Variants in RRN3 observed in about 807,000 individuals in gnomAD.
The protein encoded by RRN3 is RNA polymerase I transcription factor RRN3.
RRN3 carries 38 observed loss-of-function variants against 82.3 expected under a neutral mutation model. The ratio of observed to expected loss-of-function variants is 0.46; its 90% CI spans 0.36 to 0.61. The LOEUF (loss-of-function observed/expected upper bound fraction) is 0.61. RRN3 is among the 20% of genes least tolerant of loss of function. RRN3 has a pLI of 0.00. For synonymous variants in RRN3, 284 were observed against 284.3 expected, an observed-to-expected ratio of 1.00 and a Z score of 0.01; for missense variants, 726 against 793.1, an observed-to-expected ratio of 0.92 and a Z score of 1.02.
At position 15,061,823 on chromosome 16, in the gene RRN3, G is replaced by C; in HGVS notation, c.1877C>G (p.Ser626Cys). 1 of 1,614,184 alleles carries C rather than the reference G, an allele frequency of 6.2e-7. No individual in the cohort carries two copies. Among genetic ancestry groups the C allele is most frequent in the African/African-American group, 1.3e-5 (1 of 75,060 alleles). Residue 626 changes from serine to cysteine, a missense_variant, in exon 18 of 18, where the codon TCC (serine) becomes TGC (cysteine). Around this residue, in one of 4 missense-constraint regions of RRN3, gnomAD observed 166 missense variants for 154.8 expected, o/e 1.07. Transcript: ENST00000198767. The stretch of plus-strand genomic sequence containing the variant: ...AGGACTTCGGAAATGCGTGTCAAAG[G>C]AGCTTGGTGTGATCCCAATCACGGT... ...NDTVIGITPS[S>C]FDTHFRSPSS...
chr16:15,072,455 A>T (rs1452847982), intron 12 of RRN3, among the ~76,000 whole-genome samples: 1 of 152,122 alleles, frequency 6.6e-6, no homozygotes, highest in African/African-American at 2.4e-5. Context: ...ACATTTTCGG[A>T]GCACCTAGCT....
intron 12 of RRN3, among the ~76,000 whole-genome samples, chr16:15,072,015 C>T (rs897670596): frequency 1.4e-4 from 21 of 152,226 alleles, no homozygotes; most frequent in African/African-American, 4.6e-4. Flanking sequence ...CGGACTAACG[C>T]ACAGCTGGTA....
Position 15,068,192 on chromosome 16 carries a change from A to C in RRN3, c.1530T>G (p.Val510=). 4.4e-6 allele frequency: 7 copies of C among 1,593,738 alleles called. No homozygotes were observed. Among genetic ancestry groups the C allele is most frequent in the Non-Finnish European group, 6.0e-6 (7 of 1,169,868 alleles). ...ACTTTGTGATTGCAGCAAAAAAGTT[A>C]ACCACTGAGGGCAGGCAAATCTTCA... is the stretch of plus-strand genomic sequence containing the variant. ...NPLKICLPSV[V]NFFAAITNKY... is the part of the protein sequence containing the mutation. Residue 510 remains valine, a synonymous_variant, in exon 15 of 18, where the codon GTT becomes GTG. Transcript: ENST00000198767.
intron 3 of RRN3, 39 bp downstream of exon 3, chr16:15,091,276 G>C (rs374371295): frequency 6.2e-7 from 1 of 1,603,864 alleles, no homozygotes; most frequent in African/African-American, 1.3e-5. Flanking sequence ...GTATACAGTG[G>C]CAATAATTTT....
chr16:15,080,184 A>G (rs2045640252), intron 8 of RRN3, 88 bp from the exon 9 acceptor site: 3 of 1,458,296 alleles, frequency 2.1e-6, no homozygotes, highest in Admixed American at 3.1e-5. Context: ...CATGACCTTT[A>G]GTTTCAAATA....
At chr16:15,073,196 T>A in intron 11 of RRN3, 116 bp from the exon 12 acceptor site, 3 of 1,206,554 alleles carry the variant, frequency 2.5e-6, no homozygotes, top group Non-Finnish European at 3.5e-6. Context: ...CCAAGCACAG[T>A]GGCTCCTGCC....
At chr16:15,081,397 C>T (rs190600591) in intron 8 of RRN3, among the ~76,000 whole-genome samples, 7 of 152,286 alleles carry the variant, frequency 4.6e-5, no homozygotes, top group African/African-American at 1.2e-4. Flanking sequence ...ACTGTCTTCT[C>T]GTTCTGATTA....
At chr16:15,076,976 A>ATC (rs1402841741) in intron 9 of RRN3, among the ~76,000 whole-genome samples, 2 of 111,594 alleles carry the variant, frequency 1.8e-5, no homozygotes, top group African/African-American at 2.9e-5. Context: ...CCCCACCCAA[A>ATC]TCACTTTTTT....
At position 15,064,965 on chromosome 16, in the gene RRN3, G is replaced by C. The variant is rs530665593; in HGVS notation, c.1706+254C>G. Among the ~76,000 whole-genome samples, 7 of 152,266 alleles carry C rather than the reference G, an allele frequency of 4.6e-5. No individual in the cohort carries two copies. In the East Asian group the frequency reaches 1.4e-3, roughly 29 times the overall value. On this transcript the variant is annotated intron_variant, in intron 16 of 17. Transcript: ENST00000198767. ...GCGGATCACGAGGTCAGGAGATCGA[G>C]AACATCCCGGCTAACACAGTCAAAC... is the stretch of plus-strand genomic sequence containing the variant.
Position 15,083,443 on chromosome 16 carries a change from C to T in RRN3, c.666+70G>A, listed in dbSNP as rs566858160. On this transcript the variant is annotated intron_variant, in intron 8 of 17. Transcript: ENST00000198767. ...AAAGACTGGAAAAGAAAGAAAAAGACCTAATATCATCTAAAATGAAATCGT... is the reference window on the plus strand; with the variant it reads ...AAAGACTGGAAAAGAAAGAAAAAGATCTAATATCATCTAAAATGAAATCGT... 10 of 1,594,862 alleles carry T rather than the reference C, an allele frequency of 6.3e-6. No individual in the cohort carries two copies. In the African/African-American group the frequency reaches 1.4e-4, roughly 22 times the overall value.
At chr16:15,070,338 C>A (rs1363680022) in intron 13 of RRN3, 84 bp from the exon 14 acceptor site, 1 of 1,324,568 alleles carries the variant, frequency 7.5e-7, no homozygotes, top group Non-Finnish European at 1.0e-6. Context: ...CCTTTCATTA[C>A]AAACCATGCT....
At chr16:15,089,416 G>C (rs1239058666) in intron 3 of RRN3, among the ~76,000 whole-genome samples, 1 of 152,142 alleles carries the variant, frequency 6.6e-6, no homozygotes, top group Non-Finnish European at 1.5e-5. Context: ...AGATCACACA[G>C]AAGAATCAAC....
Position 15,068,207 on chromosome 16 carries a change from G to C in RRN3, c.1515C>G (p.Cys505Trp). Reference protein sequence around the residue: ...VMSQLNPLKICLPSVVNFFAA... With the variant: ...VMSQLNPLKIWLPSVVNFFAA... Reference sequence around the variant, plus strand: ...CAAAAAAGTTAACCACTGAGGGCAGGCAAATCTTCAGGGGATTTAGCTGGC... The same window carrying C: ...CAAAAAAGTTAACCACTGAGGGCAGCCAAATCTTCAGGGGATTTAGCTGGC... The change falls in exon 15 of 18, where the codon TGC (cysteine) becomes TGG (tryptophan). Residue 505 changes from cysteine (C) to tryptophan (W), a missense_variant. Cys to Trp is a radical substitution (Grantham distance 215). Coordinates refer to ENST00000198767, the MANE Select transcript of RRN3 (RefSeq NM_018427.5). The C allele has an allele frequency of 6.3e-7, 1 of 1,596,620 alleles. No individual in the cohort carries two copies. Among genetic ancestry groups the C allele is most frequent in the Non-Finnish European group, 8.5e-7 (1 of 1,171,736 alleles).
rs752641001 is a variant in RRN3 at position 15,060,106 on chromosome 16, T to C, written c.*1638A>G. On this transcript the variant is annotated 3_prime_UTR_variant, in exon 18 of 18. Coordinates refer to ENST00000198767, the MANE Select transcript of RRN3 (RefSeq NM_018427.5). ...CCATGTCATTGTTTCATTTTCACCA[T>C]GGATTTTTTTTCACAAACTCCTTTG... 8 of 342,878 alleles carry C rather than the reference T, an allele frequency of 2.3e-5. No homozygotes were observed. Among genetic ancestry groups the C allele is most frequent in the South Asian group, 4.8e-5 (2 of 41,448 alleles). 21.2% of individuals were successfully genotyped at this position (342,878 alleles called of 1,614,324 possible).
intron 7 of RRN3, among the ~76,000 whole-genome samples, chr16:15,083,962 C>T (rs1241095367): frequency 6.6e-6 from 1 of 152,222 alleles, no homozygotes; most frequent in Non-Finnish European, 1.5e-5. Flanking sequence ...GTGATCCGCC[C>T]GCCTCGGCCT....
At chr16:15,065,476 T>A (rs1356934850) in intron 15 of RRN3, 105 bp from the exon 16 acceptor site, 2 of 881,640 alleles carry the variant, frequency 2.3e-6, no homozygotes, top group African/African-American at 3.3e-5. Flanking sequence ...GAGAAATTGC[T>A]GAATATAACA....
intron 7 of RRN3, chr16:15,083,790 C>T (rs1597974141): frequency 2.1e-6 from 1 of 485,682 alleles, no homozygotes; most frequent in East Asian, 4.6e-5. Context: ...AATCTCAGCT[C>T]ACTGCAACCT....
rs2044713267 is a variant in RRN3 at position 15,061,624 on chromosome 16, C to T, written c.*120G>A. On this transcript the variant is annotated 3_prime_UTR_variant, in exon 18 of 18. Transcript: ENST00000198767. ...CAGTCGAACCTGGAAGTGCCACAGC[C>T]GAGGCAGGCACTCGCTCTAGTTCAA... 13 of 891,308 alleles carry T rather than the reference C, an allele frequency of 1.5e-5. No homozygotes were observed. The highest frequency in any genetic ancestry group is 1.0e-4 in the East Asian group (4 of 39,088). The allele number at this position is 891,308 out of a possible 1,614,324, so 55.2% of individuals were successfully genotyped here.
chr16:15,081,582 T>C (rs1597963175), intron 8 of RRN3, among the ~76,000 whole-genome samples: 2 of 152,332 alleles, frequency 1.3e-5, no homozygotes, highest in Middle Eastern at 6.8e-3. Context: ...ACAAGTCCAT[T>C]ACCAGACATA....
Sources: gnomAD v4.1 joint callset for allele counts (sites outside exome capture counted in the v4.1 genomes callset) on GRCh38, gnomAD v4.1.1 for gene constraint, gnomAD v4.1.1 regional missense constraint, MANE v1.5 for transcripts, NCBI Gene and HGNC (gene_info 2026-07-23, HGNC 2026-07-21) for gene names.